Variants in ARHGAP32 observed in about 807,000 individuals in gnomAD.
ARHGAP32 encodes rho GTPase-activating protein 32.
In ARHGAP32, 51 loss-of-function variants were observed where a neutral mutation model predicts 186.5. The observed-to-expected ratio is 0.27, with a 90% CI of 0.22 to 0.35. The LOEUF (loss-of-function observed/expected upper bound fraction) is 0.35, where lower values mean the gene tolerates loss of function less well. Among genes scored for constraint, ARHGAP32 ranks in the 10% least tolerant of loss-of-function variants. ARHGAP32 has a pLI of 1.00. For missense variants in ARHGAP32, 2,186 were observed against 2,623.5 expected, an observed-to-expected ratio of 0.83 and a Z score of 3.64; for synonymous variants, 950 against 964.3, an observed-to-expected ratio of 0.99 and a Z score of 0.27.
intron 1 of ARHGAP32, among the ~76,000 whole-genome samples, chr11:129,170,985 C>A (rs1943748220): frequency 6.6e-6 from 1 of 152,190 alleles, no homozygotes; most frequent in South Asian, 2.1e-4. Context: ...GGTGTCTGTT[C>A]ATATCCTTTG....
chr11:129,216,057 A>G (rs1156558300), intron 1 of ARHGAP32, among the ~76,000 whole-genome samples: 2 of 152,130 alleles, frequency 1.3e-5, no homozygotes, highest in Non-Finnish European at 2.9e-5. Flanking sequence ...AAGAAAAGGC[A>G]AGGAAAGAAT....
chr11:129,066,062 CA>C (rs1484751853), intron 7 of ARHGAP32, among the ~76,000 whole-genome samples: 3 of 152,130 alleles, frequency 2.0e-5, no homozygotes, highest in Non-Finnish European at 4.4e-5. Context: ...GTGACAGCTT[CA>C]CTTTCTCTCA....
chr11:129,259,466 C>G lies in ARHGAP32; in HGVS notation c.-5+19680G>C, dbSNP rs375506995. ...TGCAAATGCCATTATTCCTCTCTCA[C>G]ACACACACAAAAAAATACTTTTCCT... On this transcript the variant is annotated intron_variant, in intron 1 of 6. Transcript: ENST00000525234. 5.3e-5 allele frequency among the ~76,000 whole-genome samples: 8 copies of G among 151,960 alleles called. No individual in the cohort carries two copies. In the South Asian group the frequency reaches 1.0e-3, roughly 20 times the overall value.
At chr11:129,136,748 T>G (rs1165111640) in intron 2 of ARHGAP32, among the ~76,000 whole-genome samples, 1 of 152,030 alleles carries the variant, frequency 6.6e-6, no homozygotes. Context: ...AGCATTAGAT[T>G]ATTGCAATAG....
intron 1 of ARHGAP32, among the ~76,000 whole-genome samples, chr11:129,249,381 G>T (rs754330515): frequency 1.3e-5 from 2 of 152,024 alleles, no homozygotes; most frequent in Non-Finnish European, 2.9e-5. Context: ...CAACTCAGAA[G>T]TATCAATTCG....
At chr11:129,127,785 T>TC (rs1263276125) in intron 2 of ARHGAP32, among the ~76,000 whole-genome samples, 1 of 151,430 alleles carries the variant, frequency 6.6e-6, no homozygotes, top group Non-Finnish European at 1.5e-5. Context: ...GTTTTCCTAT[T>TC]TTCATGTTAT....
Position 128,970,404 on chromosome 11 carries a change from C to A in ARHGAP32, c.4809G>T (p.Pro1603=). Residue 1603 remains proline (P), a synonymous_variant, in exon 23 of 23, where the codon CCG becomes CCT. Transcript: ENST00000682385. The surrounding 1 kb of genome is among the most constrained non-coding windows in gnomAD (Gnocchi z 5.8). ...GAACAGAGCGAATCATGGAAGACGG[C>A]GGAGCATGGAGAGACTGCACTCTCC... ...TIRRVQSLHA[P]PSSMIRSVPI... 6.2e-7 allele frequency: 1 copy of A among 1,614,108 alleles called. No individual in the cohort carries two copies. The highest frequency in any genetic ancestry group is 1.1e-5 in the South Asian group (1 of 91,082).
intron 1 of ARHGAP32, among the ~76,000 whole-genome samples, chr11:129,242,129 T>C (rs569512349): frequency 4.6e-5 from 7 of 152,302 alleles, no homozygotes; most frequent in South Asian, 4.1e-4. Flanking sequence ...TGTTTATTAT[T>C]ATAATTGTTT....
chr11:129,136,686 T>C (rs907718560), intron 2 of ARHGAP32, among the ~76,000 whole-genome samples: 2 of 152,046 alleles, frequency 1.3e-5, no homozygotes, highest in East Asian at 1.9e-4. Flanking sequence ...AATGCAAAGA[T>C]GGCTTAATAG....
At chr11:129,277,220 A>G (rs1286785159) in intron 1 of ARHGAP32, among the ~76,000 whole-genome samples, 1 of 152,204 alleles carries the variant, frequency 6.6e-6, no homozygotes, top group Non-Finnish European at 1.5e-5. Flanking sequence ...AACATCGTTT[A>G]TATAGCACCG....
At chr11:129,203,979 T>C (rs1346687299) in intron 1 of ARHGAP32, among the ~76,000 whole-genome samples, 2 of 147,944 alleles carry the variant, frequency 1.4e-5, no homozygotes, top group Non-Finnish European at 3.0e-5. Context: ...TAAAAGTACA[T>C]ATATACATAT....
chr11:129,161,535 C>T (rs572695782), intron 2 of ARHGAP32, among the ~76,000 whole-genome samples: 1 of 151,702 alleles, frequency 6.6e-6, no homozygotes. Flanking sequence ...ATGTGGCCAA[C>T]AAACATGAAA....
At chr11:129,158,654 A>C (rs756448067) in intron 2 of ARHGAP32, among the ~76,000 whole-genome samples, 4 of 152,188 alleles carry the variant, frequency 2.6e-5, no homozygotes, top group African/African-American at 4.8e-5. Flanking sequence ...CAGATCAACA[A>C]GACAGAAAAT....
At chr11:129,154,890 A>T (rs201450212) in intron 2 of ARHGAP32, among the ~76,000 whole-genome samples, 22 of 99,206 alleles carry the variant, frequency 2.2e-4, no homozygotes, top group African/African-American at 6.1e-4. Context: ...AATAACATTT[A>T]AAAAAAAATT....
chr11:129,021,912 T>C (rs1405300953), intron 11 of ARHGAP32, among the ~76,000 whole-genome samples: 1 of 151,896 alleles, frequency 6.6e-6, no homozygotes. Context: ...GGAAAAAACA[T>C]GAAGTAGATA....
chr11:128,984,593 A>G (rs1249588057), intron 15 of ARHGAP32, among the ~76,000 whole-genome samples: 1 of 152,188 alleles, frequency 6.6e-6, no homozygotes, highest in Non-Finnish European at 1.5e-5. Context: ...ACACACACAT[A>G]TAAGTTATAG....
rs1205410029 is a variant in ARHGAP32 at position 128,966,513 on chromosome 11, C to T, written c.*2394G>A. ...GATTTGATCTGAAGTTTGTGTTTCA[C>T]GCTTGTAACAGTAATTGCAATCATC... is the stretch of plus-strand genomic sequence containing the variant. On this transcript the variant is annotated 3_prime_UTR_variant, in exon 23 of 23. Coordinates refer to ENST00000682385, the MANE Select transcript of ARHGAP32 (RefSeq NM_001378024.1). The T allele has an allele frequency of 1.3e-5, 2 of 152,200 alleles. No homozygotes were observed. Among genetic ancestry groups the T allele is most frequent in the African/African-American group, 2.4e-5 (1 of 41,448 alleles). 9.4% of individuals were successfully genotyped at this position (152,200 alleles called of 1,614,324 possible). A position where few individuals can be genotyped will look rare whatever the true frequency, so the allele number is the denominator to read the frequency against.
At chr11:129,023,891 C>T (rs1938712121) in intron 11 of ARHGAP32, 1 of 985,074 alleles carries the variant, frequency 1.0e-6, no homozygotes, top group Non-Finnish European at 1.2e-6. Context: ...AAGATCAATA[C>T]TTAAAATTAT....
intron 6 of ARHGAP32, among the ~76,000 whole-genome samples, chr11:129,068,422 C>T (rs1237070089): frequency 1.3e-5 from 2 of 152,040 alleles, no homozygotes; most frequent in Admixed American, 1.3e-4. Flanking sequence ...CTATCACTAC[C>T]TTCTACCCAA....
Sources: allele counts gnomAD v4.1 joint callset (sites outside exome capture counted in the v4.1 genomes callset), GRCh38; gene constraint gnomAD v4.1.1; non-coding constraint Gnocchi (gnomAD v3.1); transcripts MANE v1.5; gene names NCBI Gene and HGNC (gene_info 2026-07-23, HGNC 2026-07-21).